The following ALPK3 variants were observed in gnomAD, a reference collection of about 807,000 sequenced individuals.
ALPK3 encodes the protein alpha kinase 3.
ALPK3 carries 102 observed loss-of-function variants against 140.0 expected under a neutral mutation model. The observed-to-expected ratio is 0.73, with a 90% CI of 0.62 to 0.86. ALPK3 has a LOEUF of 0.86. Among genes scored for constraint, ALPK3 ranks in the 40% least tolerant of loss-of-function variants. ALPK3 has a pLI of 0.00. For synonymous variants in ALPK3, 938 were observed against 898.5 expected (o/e 1.04, Z -0.79); for missense variants, 2,254 against 2,208.2 (o/e 1.02, Z -0.42).
At chr15:84,844,856 CA>C (rs984032572) in intron 5 of ALPK3, among the ~76,000 whole-genome samples, 54 of 139,576 alleles carry the variant, frequency 3.9e-4, no homozygotes, top group East Asian at 6.2e-4. Flanking sequence ...GACTCCGTCT[CA>C]AAAAAAAAAA....
Position 84,863,629 on chromosome 15 carries a change from G to C in ALPK3, c.4488G>C (p.Gly1496=). Residue 1496 remains glycine (G), a synonymous_variant, in exon 11 of 14, where the codon GGG becomes GGC. Coordinates refer to ENST00000258888, the MANE Select transcript of ALPK3 (RefSeq NM_020778.5). ...AAEARAAPGF[G]EVPEIIPLYL... ...AAGCCCGGGCCGCGCCTGGCTTTGG[G>C]GAGGTGCCTGAGTAAGTACGCAGCG... 6.2e-7 allele frequency: 1 copy of C among 1,613,998 alleles called. No individual in the cohort carries two copies.
chr15:84,846,919 C>T (rs1038909470), intron 5 of ALPK3, among the ~76,000 whole-genome samples: 1 of 151,974 alleles, frequency 6.6e-6, no homozygotes, highest in Non-Finnish European at 1.5e-5. Flanking sequence ...CAGACGTGTG[C>T]CGCTACACTT....
chr15:84,867,878 G>T (rs1327170130), intron 13 of ALPK3, among the ~76,000 whole-genome samples: 1 of 152,122 alleles, frequency 6.6e-6, no homozygotes, highest in African/African-American at 2.4e-5. Context: ...CCAGGAGTTT[G>T]AGACCAGCCT....
chr15:84,858,679 C>A (rs114929985), intron 6 of ALPK3, 124 bp downstream of exon 6: 1 of 1,385,638 alleles, frequency 7.2e-7, no homozygotes, highest in African/African-American at 1.4e-5. Context: ...TCATAAATTA[C>A]CTTGGTAAAG....
rs1963643094 is a variant in ALPK3 at position 84,840,136 on chromosome 15, A to AGGAC, written c.861_864dup (p.Glu289ArgfsTer11). 1 of 1,613,446 alleles carries AGGAC rather than the reference A, an allele frequency of 6.2e-7. No homozygotes were observed. On this transcript the variant is annotated frameshift_variant, in exon 5 of 14. Transcript: ENST00000258888. LOFTEE classifies it high-confidence loss of function. ...GGGGAGGCTGCCCCCGAGAATGGAGAGGACGGAGAGCATGGCTTGCTGACA... is the reference window on the plus strand; with the variant it reads ...GGGGAGGCTGCCCCCGAGAATGGAGAGGACGGACGGAGAGCATGGCTTGCTGACA...
chr15:84,863,773 T>C, intron 11 of ALPK3, 133 bp downstream of exon 11: 3 of 803,882 alleles, frequency 3.7e-6, no homozygotes, highest in Non-Finnish European at 5.7e-6. Context: ...AGCCCCATGC[T>C]CAGCTCAGTG....
intron 12 of ALPK3, among the ~76,000 whole-genome samples, chr15:84,865,776 C>A (rs1368434439): frequency 6.6e-6 from 1 of 152,096 alleles, no homozygotes; most frequent in African/African-American, 2.4e-5. Context: ...CTGGCCAACA[C>A]AGCAAAACCC....
At chr15:84,827,786 C>T (rs1373116047) in intron 3 of ALPK3, among the ~76,000 whole-genome samples, 181 bp downstream of exon 3, 1 of 152,186 alleles carries the variant, frequency 6.6e-6, no homozygotes, top group African/African-American at 2.4e-5. Context: ...CCCCTTGCTT[C>T]CCCCATTCTG....
intron 5 of ALPK3, chr15:84,852,386 G>A (rs1454305935): frequency 2.6e-5 from 4 of 154,328 alleles, no homozygotes; most frequent in African/African-American, 9.6e-5. Flanking sequence ...ATTTTATCAT[G>A]CTGCTCAGAA....
chr15:84,858,841 G>A (rs1242968597), intron 6 of ALPK3, among the ~76,000 whole-genome samples: 6 of 152,184 alleles, frequency 3.9e-5, no homozygotes, highest in South Asian at 2.1e-4. Context: ...CTTTAGTAGC[G>A]TTCTAGCTCT....
intron 3 of ALPK3, among the ~76,000 whole-genome samples, chr15:84,833,882 C>T (rs1466755506): frequency 6.6e-6 from 1 of 152,094 alleles, no homozygotes; most frequent in Non-Finnish European, 1.5e-5. Context: ...CTACTGTCTT[C>T]CTTGAGGCAG....
intron 12 of ALPK3, 55 bp from the exon 13 acceptor site, chr15:84,867,261 TG>T (rs1964012260): frequency 6.5e-7 from 1 of 1,539,400 alleles, no homozygotes; most frequent in African/African-American, 1.4e-5. Flanking sequence ...GCTGGAGATG[TG>T]GGGGCTTAGA....
At position 84,862,740 on chromosome 15, in the gene ALPK3, G is replaced by A. The variant is rs769568552; in HGVS notation, c.4235G>A (p.Arg1412Gln). 32 of 1,614,018 alleles carry A rather than the reference G, an allele frequency of 2.0e-5. No individual in the cohort carries two copies. The highest frequency in any genetic ancestry group is 8.3e-5 in the Admixed American group (5 of 59,990). Residue 1412 changes from arginine to glutamine, a missense_variant, in exon 10 of 14, where the codon CGA becomes CAA. Arg to Gln is a conservative substitution (Grantham distance 43). This residue lies in a region of ALPK3 where 2,088 missense variants were observed against 2,022.9 expected (regional missense o/e 1.03). Coordinates refer to ENST00000258888, the MANE Select transcript of ALPK3 (RefSeq NM_020778.5). ...GGGCGACTGGTAAGCGAGGAGCTCCGAGGGGGTGGATATGGGTGTGGCCTT... is the reference window on the plus strand; with the variant it reads ...GGGCGACTGGTAAGCGAGGAGCTCCAAGGGGGTGGATATGGGTGTGGCCTT... ...LFGRLVSEEL[R>Q]GGGYGCGLRK...
At chr15:84,822,643 G>A (rs1193280813) in intron 1 of ALPK3, among the ~76,000 whole-genome samples, 1 of 152,154 alleles carries the variant, frequency 6.6e-6, no homozygotes, top group Non-Finnish European at 1.5e-5. Context: ...CTAAGGGGCG[G>A]TCCTGTGTGG....
chr15:84,829,620 C>T (rs563294043), intron 3 of ALPK3, among the ~76,000 whole-genome samples: 4 of 152,204 alleles, frequency 2.6e-5, no homozygotes, highest in South Asian at 4.2e-4. Context: ...GGTGCACATG[C>T]GCAGTAGCTG....
intron 2 of ALPK3, among the ~76,000 whole-genome samples, chr15:84,826,371 A>G (rs1254468041): frequency 1.3e-5 from 2 of 151,632 alleles, no homozygotes; most frequent in African/African-American, 4.8e-5. Context: ...GCACCTTTGA[A>G]TGATGTGTCT....
intron 5 of ALPK3, among the ~76,000 whole-genome samples, chr15:84,842,941 G>A (rs1418160168): frequency 6.6e-6 from 1 of 152,176 alleles, no homozygotes; most frequent in Admixed American, 6.5e-5. Flanking sequence ...GGCTCTCATA[G>A]GCCCTCATAG....
chr15:84,831,034 C>G (rs1380283335), intron 3 of ALPK3, among the ~76,000 whole-genome samples: 3 of 152,118 alleles, frequency 2.0e-5, no homozygotes, highest in Non-Finnish European at 4.4e-5. Flanking sequence ...TTCTACTTTA[C>G]TTTTTCTTGC....
At chr15:84,819,482 G>A (rs1421446285) in intron 1 of ALPK3, among the ~76,000 whole-genome samples, 3 of 152,242 alleles carry the variant, frequency 2.0e-5, no homozygotes, top group Non-Finnish European at 4.4e-5. Context: ...TGGGGAGAAT[G>A]TGACTGGGGC....
Sources: allele counts gnomAD v4.1 joint callset (sites outside exome capture counted in the v4.1 genomes callset), GRCh38; gene constraint gnomAD v4.1.1; regional missense constraint gnomAD v4.1.1; transcripts MANE v1.5; gene names NCBI Gene and HGNC (gene_info 2026-07-23, HGNC 2026-07-21).